SKIC3: variants seen among roughly 807,000 people sequenced by gnomAD.
The protein encoded by SKIC3 is superkiller complex protein 3.
chr5:95,552,872 G>C, the SKIC3 span, among the ~76,000 whole-genome samples: 4 of 151,988 alleles, frequency 2.6e-5, no homozygotes, highest in Non-Finnish European at 1.5e-5. Flanking sequence ...ATAAATAAAT[G>C]GTGGCGAGGG....
the SKIC3 span, chr5:95,513,378 T>G: frequency 2.6e-6 from 1 of 386,060 alleles, no homozygotes. Context: ...TAATTTTTAA[T>G]TTTTTTTTTT....
At chr5:95,500,820 C>A in the SKIC3 span, among the ~76,000 whole-genome samples, 1 of 152,082 alleles carries the variant, frequency 6.6e-6, no homozygotes, top group Non-Finnish European at 1.5e-5. Flanking sequence ...TTAAACAATG[C>A]TCACTGAAAT....
At chr5:95,517,324 T>TA in the SKIC3 span, 3 of 1,612,004 alleles carry the variant, frequency 1.9e-6, no homozygotes, top group Non-Finnish European at 2.5e-6. Flanking sequence ...TGTAGAGCAC[T>TA]AAAAAAAGAA....
chr5:95,549,513 G>T, the SKIC3 span, among the ~76,000 whole-genome samples: 1 of 151,926 alleles, frequency 6.6e-6, no homozygotes, highest in Admixed American at 6.6e-5. Flanking sequence ...ATGTCCTTCA[G>T]TATCTGTATG....
At chr5:95,486,146 A>C in the SKIC3 span, among the ~76,000 whole-genome samples, 9 of 152,296 alleles carry the variant, frequency 5.9e-5, no homozygotes, top group East Asian at 1.4e-3. Flanking sequence ...CTAAGCAGCT[A>C]GAGTGAGGCA....
At chr5:95,516,701 T>C in the SKIC3 span, 1 of 1,613,436 alleles carries the variant, frequency 6.2e-7, no homozygotes, top group East Asian at 2.2e-5. Flanking sequence ...ACCAAGAGCA[T>C]TCCAGTATAA....
the SKIC3 span, among the ~76,000 whole-genome samples, chr5:95,535,228 C>T: frequency 6.6e-6 from 1 of 151,984 alleles, no homozygotes; most frequent in Non-Finnish European, 1.5e-5. Flanking sequence ...AAAGTACTCT[C>T]CTAAGTCTAT....
the SKIC3 span, among the ~76,000 whole-genome samples, chr5:95,520,330 C>G: frequency 6.6e-6 from 1 of 151,446 alleles, no homozygotes; most frequent in Admixed American, 6.6e-5. Flanking sequence ...TTGGCTCTTA[C>G]CACTGAATGT....
chr5:95,503,094 A>C, the SKIC3 span: 4 of 1,421,534 alleles, frequency 2.8e-6, no homozygotes, highest in Non-Finnish European at 3.9e-6. Flanking sequence ...TTTTTTAGAA[A>C]GGTCTAAATA....
the SKIC3 span, among the ~76,000 whole-genome samples, chr5:95,482,893 A>G: frequency 6.6e-6 from 1 of 152,172 alleles, no homozygotes; most frequent in Middle Eastern, 3.2e-3. Context: ...TTTACTCTTA[A>G]GTGATATCCT....
At chr5:95,486,394 C>G in the SKIC3 span, among the ~76,000 whole-genome samples, 2 of 152,214 alleles carry the variant, frequency 1.3e-5, no homozygotes, top group Non-Finnish European at 2.9e-5. Context: ...TAGAATACAG[C>G]AGAGCTGAGG....
chr5:95,539,545 T>C, the SKIC3 span, among the ~76,000 whole-genome samples: 1 of 152,130 alleles, frequency 6.6e-6, no homozygotes, highest in Non-Finnish European at 1.5e-5. Flanking sequence ...CGGAGACTCC[T>C]TAAAGAACTA....
At chr5:95,545,296 T>C in the SKIC3 span, among the ~76,000 whole-genome samples, 1 of 152,100 alleles carries the variant, frequency 6.6e-6, no homozygotes, top group Non-Finnish European at 1.5e-5. Context: ...AGATTAATAC[T>C]ATCACGTCCT....
the SKIC3 span, among the ~76,000 whole-genome samples, chr5:95,511,406 C>A: frequency 6.6e-6 from 1 of 152,164 alleles, no homozygotes; most frequent in Non-Finnish European, 1.5e-5. Context: ...GAGCGAGACT[C>A]CGTCTCAAAA....
At chr5:95,547,068 T>C in the SKIC3 span, 1 of 1,612,896 alleles carries the variant, frequency 6.2e-7, no homozygotes, top group Non-Finnish European at 8.5e-7. Flanking sequence ...TACCTTACAG[T>C]GTTTCAAAGC....
chr5:95,491,173 A>G, the SKIC3 span: 1 of 1,272,118 alleles, frequency 7.9e-7, no homozygotes, highest in Non-Finnish European at 1.1e-6. Context: ...TCAAAGGAAA[A>G]TTAAATTGCA....
At chr5:95,482,730 G>A in the SKIC3 span, 1 of 1,308,272 alleles carries the variant, frequency 7.6e-7, no homozygotes, top group Non-Finnish European at 1.1e-6. Context: ...AATTCTGAAG[G>A]TTTATACCTT....
At chr5:95,502,112 C>G in the SKIC3 span, among the ~76,000 whole-genome samples, 1 of 152,068 alleles carries the variant, frequency 6.6e-6, no homozygotes, top group Non-Finnish European at 1.5e-5. Context: ...ATCTCCATCC[C>G]CCCACCTTTG....
chr5:95,497,315 A>T, the SKIC3 span: 1 of 1,125,258 alleles, frequency 8.9e-7, no homozygotes, highest in Non-Finnish European at 1.3e-6. Context: ...TTCATTGTAC[A>T]AATTATCTTG....
Sources: allele counts gnomAD v4.1 joint callset (sites outside exome capture counted in the v4.1 genomes callset), GRCh38; gene constraint gnomAD v4.1.1; transcripts MANE v1.5; gene names NCBI Gene and HGNC (gene_info 2026-07-23, HGNC 2026-07-21).